Variants in EIF4G3 observed in about 807,000 individuals in gnomAD.
EIF4G3 encodes eukaryotic translation initiation factor 4 gamma 3.
A neutral mutation model predicts 186.4 loss-of-function variants in EIF4G3; 34 were observed. The ratio of observed to expected loss-of-function variants is 0.18; its 90% CI spans 0.14 to 0.24. The LOEUF is 0.24. EIF4G3 is among the 10% of genes least tolerant of loss of function. EIF4G3 has a pLI of 1.00. For synonymous variants in EIF4G3, 673 were observed against 679.5 expected (o/e 0.99, Z 0.15); for missense variants, 1,536 against 1,948.5 (o/e 0.79, Z 3.99).
intron 14 of EIF4G3, among the ~76,000 whole-genome samples, chr1:20,923,840 T>A (rs1432148071): frequency 1.3e-5 from 2 of 151,280 alleles, no homozygotes; most frequent in African/African-American, 4.9e-5. Flanking sequence ...TATATTTATC[T>A]GTCTCTCTAC....
intron 13 of EIF4G3, among the ~76,000 whole-genome samples, chr1:20,946,118 A>G (rs1240205673): frequency 2.0e-5 from 3 of 152,198 alleles, no homozygotes; most frequent in Admixed American, 2.0e-4. Context: ...CAGAGAGAGG[A>G]ATGCTGAGCA....
intron 2 of EIF4G3, among the ~76,000 whole-genome samples, chr1:21,172,263 T>G (rs529004643): frequency 6.6e-6 from 1 of 152,330 alleles, no homozygotes; most frequent in Admixed American, 6.5e-5. Flanking sequence ...TCTTCTAATT[T>G]AGCTGAGATG....
chr1:20,817,291 A>T, intron 34 of EIF4G3, 101 bp downstream of exon 34: 1 of 547,160 alleles, frequency 1.8e-6, no homozygotes, highest in Non-Finnish European at 2.7e-6. Flanking sequence ...AAAAAATAAA[A>T]ATAAAAATTC....
intron 2 of EIF4G3, among the ~76,000 whole-genome samples, chr1:21,097,940 T>TAA (rs201976994): frequency 4.7e-5 from 7 of 148,946 alleles, no homozygotes; most frequent in African/African-American, 1.7e-4. Context: ...ATGATGTATT[T>TAA]AAAAAAAAAA....
intron 28 of EIF4G3, among the ~76,000 whole-genome samples, chr1:20,850,017 G>T (rs79429351): frequency 0.02 from 3,075 of 152,044 alleles, 118 homozygotes; most frequent in African/African-American, 0.068. Context: ...CATTCCTACT[G>T]GTCCTTCGGA....
intron 2 of EIF4G3, among the ~76,000 whole-genome samples, chr1:21,145,901 A>G (rs2097431740): frequency 6.6e-6 from 1 of 152,162 alleles, no homozygotes; most frequent in Admixed American, 6.5e-5. Flanking sequence ...GCAACACAGC[A>G]AGACCTCATC....
intron 4 of EIF4G3, among the ~76,000 whole-genome samples, chr1:21,006,984 G>A (rs77841317): frequency 0.029 from 4,444 of 152,216 alleles, 145 homozygotes; most frequent in East Asian, 0.14. Context: ...GCCATTTCTC[G>A]TTTTAAGATT....
intron 3 of EIF4G3, among the ~76,000 whole-genome samples, chr1:21,063,712 G>C (rs1163750255): frequency 5.2e-5 from 1 of 19,078 alleles, no homozygotes; most frequent in Non-Finnish European, 2.9e-4. Flanking sequence ...TTTTGGGGGG[G>C]GGGGTGTTGG....
intron 14 of EIF4G3, among the ~76,000 whole-genome samples, chr1:20,914,764 GA>G (rs999874505): frequency 2.6e-5 from 4 of 152,106 alleles, no homozygotes; most frequent in African/African-American, 9.7e-5. Flanking sequence ...ACATATGGGG[GA>G]TTTTCCAGAG....
chr1:20,970,186 A>G (rs906681810), intron 11 of EIF4G3, among the ~76,000 whole-genome samples: 16 of 152,328 alleles, frequency 1.1e-4, no homozygotes, highest in African/African-American at 3.1e-4. Flanking sequence ...AATAAAAAAT[A>G]TAAATACCCT....
chr1:21,138,476 A>G (rs1220996717), intron 2 of EIF4G3, among the ~76,000 whole-genome samples: 2 of 152,220 alleles, frequency 1.3e-5, no homozygotes, highest in Non-Finnish European at 2.9e-5. Flanking sequence ...ACATGTCAGA[A>G]GGTTCAGCAC....
At chr1:20,996,607 A>C (rs2082334422) in intron 7 of EIF4G3, among the ~76,000 whole-genome samples, 1 of 152,246 alleles carries the variant, frequency 6.6e-6, no homozygotes, top group African/African-American at 2.4e-5. Flanking sequence ...ATATGATAAC[A>C]CAGGCAAATA....
intron 12 of EIF4G3, among the ~76,000 whole-genome samples, chr1:20,960,956 C>A (rs2096556045): frequency 6.6e-6 from 1 of 152,158 alleles, no homozygotes; most frequent in Non-Finnish European, 1.5e-5. Context: ...AATTCATACA[C>A]CCACAAATAA....
At position 20,929,175 on chromosome 1, in the gene EIF4G3, T is replaced by C. The variant is rs555663152; in HGVS notation, c.1663+12316A>G. On this transcript the variant is annotated intron_variant, in intron 14 of 36. Coordinates refer to ENST00000602326, the MANE Select transcript of EIF4G3 (RefSeq NM_001391906.1). ...CACTTTATGGCTGCCCTATTCATTTTCCCCCCCATTCTTCTGAGCTTTCTT... is the reference window on the plus strand; with the variant it reads ...CACTTTATGGCTGCCCTATTCATTTCCCCCCCCATTCTTCTGAGCTTTCTT... Among the ~76,000 whole-genome samples, 105 of 152,220 alleles carry C rather than the reference T, an allele frequency of 6.9e-4. 3 individuals carry two copies. The South Asian group carries it at 0.018, about 26-fold the overall frequency.
intron 2 of EIF4G3, among the ~76,000 whole-genome samples, chr1:21,095,809 A>C (rs2096353177): frequency 6.6e-6 from 1 of 152,216 alleles, no homozygotes; most frequent in Non-Finnish European, 1.5e-5. Flanking sequence ...AAAAAAAACA[A>C]AACAATATTG....
intron 3 of EIF4G3, among the ~76,000 whole-genome samples, chr1:21,083,434 T>C (rs1160677833): frequency 6.6e-6 from 1 of 151,880 alleles, no homozygotes; most frequent in African/African-American, 2.4e-5. Context: ...CTCCTTGGCA[T>C]GCCAAAGTGC....
intron 3 of EIF4G3, among the ~76,000 whole-genome samples, chr1:21,068,107 T>G (rs970172012): frequency 6.6e-6 from 1 of 151,976 alleles, no homozygotes; most frequent in Non-Finnish European, 1.5e-5. Flanking sequence ...GCACAGTGGC[T>G]CATGCCTATA....
chr1:20,823,704 A>AAGTCTCTTG (rs2062949333), intron 33 of EIF4G3, among the ~76,000 whole-genome samples: 1 of 152,040 alleles, frequency 6.6e-6, no homozygotes, highest in South Asian at 2.1e-4. Context: ...CTCTTTAACC[A>AAGTCTCTTG]TTTTGACTAG....
At chr1:20,826,223 G>C (rs1421773134) in intron 32 of EIF4G3, among the ~76,000 whole-genome samples, 1 of 152,206 alleles carries the variant, frequency 6.6e-6, no homozygotes, top group Non-Finnish European at 1.5e-5. Context: ...TTGAAATGCA[G>C]TGGCACAATC....
Sources: allele counts gnomAD v4.1 joint callset (sites outside exome capture counted in the v4.1 genomes callset), GRCh38; gene constraint gnomAD v4.1.1; transcripts MANE v1.5; gene names NCBI Gene and HGNC (gene_info 2026-07-23, HGNC 2026-07-21).